The following DCLK1 variants were observed in gnomAD, a reference collection of about 807,000 sequenced individuals.
The protein encoded by DCLK1 is serine/threonine-protein kinase DCLK1.
Under a neutral mutation model 86.2 loss-of-function variants are expected in DCLK1, and 16 were observed. The ratio of observed to expected loss-of-function variants is 0.19; its 90% CI spans 0.13 to 0.28. The LOEUF (loss-of-function observed/expected upper bound fraction) is 0.28. Among genes scored for constraint, DCLK1 ranks in the 10% least tolerant of loss-of-function variants. The pLI, the probability that DCLK1 is intolerant of heterozygous loss-of-function variation, is 1.00. For missense variants in DCLK1, 590 were observed against 940.2 expected, an observed-to-expected ratio of 0.63 and a Z score of 4.87; for synonymous variants, 369 against 370.5, an observed-to-expected ratio of 1.00 and a Z score of 0.05.
At chr13:35,805,914 T>TG in intron 14 of DCLK1, 135 bp from the exon 15 acceptor site, 1 of 604,290 alleles carries the variant, frequency 1.7e-6, no homozygotes, top group Non-Finnish European at 2.6e-6. Flanking sequence ...CAACTCCACT[T>TG]ACCTGTGGCT....
At chr13:35,992,875 C>A (rs372104810) in intron 3 of DCLK1, among the ~76,000 whole-genome samples, 1 of 152,166 alleles carries the variant, frequency 6.6e-6, no homozygotes, top group Admixed American at 6.5e-5. Context: ...AATTCTACCA[C>A]CTTTATGAAC....
chr13:36,033,785 C>T (rs1319142363), intron 3 of DCLK1, among the ~76,000 whole-genome samples: 2 of 152,096 alleles, frequency 1.3e-5, no homozygotes, highest in Non-Finnish European at 2.9e-5. Context: ...ATTAGCCAGG[C>T]GTGGTGACGC....
intron 3 of DCLK1, among the ~76,000 whole-genome samples, chr13:35,966,497 TC>T (rs550890885): frequency 9.6e-6 from 1 of 104,410 alleles, no homozygotes; most frequent in African/African-American, 3.9e-5. Context: ...CCTCTCCCCC[TC>T]CCCCTCCCCC....
intron 3 of DCLK1, among the ~76,000 whole-genome samples, chr13:36,050,088 G>A (rs745820702): frequency 7.2e-5 from 11 of 152,072 alleles, no homozygotes; most frequent in Non-Finnish European, 1.3e-4. Context: ...GCTGGTACAC[G>A]CCAGCTCCAG....
intron 16 of DCLK1, among the ~76,000 whole-genome samples, chr13:35,775,892 C>A (rs900386631): frequency 6.6e-6 from 1 of 152,062 alleles, no homozygotes; most frequent in African/African-American, 2.4e-5. Context: ...CTAAAATAGG[C>A]CAATCAAAGT....
intron 4 of DCLK1, among the ~76,000 whole-genome samples, chr13:35,889,136 C>T (rs1423659922): frequency 2.0e-5 from 3 of 152,194 alleles, no homozygotes; most frequent in African/African-American, 4.8e-5. Context: ...CCTAAAACAT[C>T]GTTTAGCTAA....
chr13:35,769,919 T>C lies in DCLK1; in HGVS notation c.*4616A>G, dbSNP rs1489618123. 6.6e-6 allele frequency: 1 copy of C among 152,198 alleles called. No homozygotes were observed. Among genetic ancestry groups the C allele is most frequent in the Non-Finnish European group, 1.5e-5 (1 of 68,034 alleles). The allele number at this position is 152,198 out of a possible 1,614,324, so 9.4% of individuals were successfully genotyped here. On this transcript the variant is annotated 3_prime_UTR_variant, in exon 17 of 17. Coordinates refer to ENST00000360631, the MANE Select transcript of DCLK1 (RefSeq NM_001330071.2). ...TATGGGCAAGATATGGTAAACCTCA[T>C]GATCAAAACACATGCCAGTTAGAAA... is the stretch of plus-strand genomic sequence containing the variant.
rs149321691 is a variant in DCLK1, at chr13:35,939,245, G to A, written c.823+8113C>T. Among the ~76,000 whole-genome samples the A allele has an allele frequency of 1.8e-4, 28 of 152,208 alleles. No homozygotes were observed. The East Asian group carries it at 5.2e-3, about 28-fold the overall frequency. On this transcript the variant is annotated intron_variant, in intron 4 of 16. Transcript: ENST00000360631. ...TATTCGGAACACAAAACAGACAAAA[G>A]CTCCCAAACCCTCTATTTCAGACAT...
chr13:35,909,635 G>A (rs1874892821), intron 4 of DCLK1, among the ~76,000 whole-genome samples: 1 of 60,258 alleles, frequency 1.7e-5, no homozygotes, highest in African/African-American at 5.7e-5. Flanking sequence ...GTGTGTGTGT[G>A]TGTGTATTTT....
In DCLK1 at chr13:36,074,520, G is replaced by T. The variant is rs745912979; in HGVS notation, c.723+37349C>A. Among the ~76,000 whole-genome samples, 4 of 70,466 alleles carry T rather than the reference G, an allele frequency of 5.7e-5. 2 individuals carry two copies. Among genetic ancestry groups the T allele is most frequent in the Non-Finnish European group, 1.5e-4 (4 of 27,548 alleles). The allele number at this position is 70,466 out of a possible 152,430, so 46.2% of individuals were successfully genotyped here. ...AAAAAAAAAAAAAAAAAAAAAAACAGAGAAGACAATACAGTTTATTTGGGA... is the reference window on the plus strand; with the variant it reads ...AAAAAAAAAAAAAAAAAAAAAAACATAGAAGACAATACAGTTTATTTGGGA... On this transcript the variant is annotated intron_variant, in intron 3 of 16. Coordinates refer to ENST00000360631, the MANE Select transcript of DCLK1 (RefSeq NM_001330071.2).
intron 3 of DCLK1, among the ~76,000 whole-genome samples, chr13:35,992,222 C>T (rs1458750134): frequency 3.3e-5 from 5 of 152,142 alleles, no homozygotes; most frequent in African/African-American, 7.2e-5. Context: ...TGTTTTGAAA[C>T]GCAAAGTAGT....
At chr13:35,895,243 C>T (rs576858759) in intron 4 of DCLK1, among the ~76,000 whole-genome samples, 15 of 151,400 alleles carry the variant, frequency 9.9e-5, no homozygotes, top group Admixed American at 6.6e-4. Context: ...AGTCATGAGC[C>T]GCCACACCTG....
chr13:35,779,355 T>C (rs1270944122), intron 16 of DCLK1, among the ~76,000 whole-genome samples: 1 of 152,230 alleles, frequency 6.6e-6, no homozygotes, highest in Non-Finnish European at 1.5e-5. Context: ...TAGGCAAGAA[T>C]TGTTTTGACC....
At chr13:35,828,877 A>G (rs1868708565) in intron 8 of DCLK1, among the ~76,000 whole-genome samples, 2 of 152,234 alleles carry the variant, frequency 1.3e-5, no homozygotes, top group South Asian at 4.1e-4. Flanking sequence ...ATGCAATTAC[A>G]CTGAAGACTC....
At chr13:35,952,694 A>C (rs761534214) in intron 3 of DCLK1, among the ~76,000 whole-genome samples, 2 of 152,208 alleles carry the variant, frequency 1.3e-5, no homozygotes, top group African/African-American at 2.4e-5. Context: ...CATGACACTT[A>C]ATATTCTGTT....
intron 3 of DCLK1, among the ~76,000 whole-genome samples, chr13:35,990,393 T>C (rs570819668): frequency 5.9e-5 from 9 of 152,064 alleles, no homozygotes; most frequent in Admixed American, 1.3e-4. Context: ...GGGGCGCTCT[T>C]TGATGCTCCA....
chr13:36,111,733 A>C (rs1236058367), intron 3 of DCLK1, 136 bp downstream of exon 3: 5 of 689,858 alleles, frequency 7.2e-6, no homozygotes, highest in Non-Finnish European at 1.2e-5. Context: ...TTCTAGGGCC[A>C]GCAAGTACAT....
At chr13:35,800,753 C>T (rs1462489165) in intron 15 of DCLK1, among the ~76,000 whole-genome samples, 1 of 151,996 alleles carries the variant, frequency 6.6e-6, no homozygotes, top group Non-Finnish European at 1.5e-5. Flanking sequence ...AGTCTCCCTC[C>T]ATCACCCAGG....
intron 1 of DCLK1, among the ~76,000 whole-genome samples, chr13:36,127,372 G>A (rs1389828260): frequency 6.6e-6 from 1 of 152,140 alleles, no homozygotes; most frequent in African/African-American, 2.4e-5. Flanking sequence ...ACATTTCTTG[G>A]TTCTTCCTTT....
Sources: gnomAD v4.1 joint callset for allele counts (sites outside exome capture counted in the v4.1 genomes callset) on GRCh38, gnomAD v4.1.1 for gene constraint, MANE v1.5 for transcripts, NCBI Gene and HGNC (gene_info 2026-07-23, HGNC 2026-07-21) for gene names.